The following ATAD2B variants were observed in gnomAD, a reference collection of about 807,000 sequenced individuals.
The protein encoded by ATAD2B is ATPase family AAA domain-containing protein 2B.
Under a neutral mutation model 167.6 loss-of-function variants are expected in ATAD2B, and 40 were observed. The ratio of observed to expected loss-of-function variants is 0.24; its 90% CI spans 0.19 to 0.31. The LOEUF (loss-of-function observed/expected upper bound fraction) is 0.31, where lower values mean the gene tolerates loss of function less well. ATAD2B is among the 10% of genes least tolerant of loss of function. The pLI is 1.00. For synonymous variants in ATAD2B, 579 were observed against 596.5 expected (o/e 0.97, Z 0.43); for missense variants, 1,242 against 1,757.2 (o/e 0.71, Z 5.24).
the ATAD2B span, among the ~76,000 whole-genome samples, chr2:23,692,882 G>A: frequency 6.6e-6 from 1 of 152,192 alleles, no homozygotes; most frequent in South Asian, 2.1e-4. Context: ...CCACAGACAT[G>A]CCTGGCACAA....
chr2:23,888,413 A>G lies in ATAD2B; in HGVS notation c.369-14T>C, dbSNP rs971192136. ...TGAGAAGTTAACCTAGAACACAATA[A>G]TATTTAATATGCAAACACATCAACA... is the stretch of plus-strand genomic sequence containing the variant. On this transcript the variant is annotated splice_polypyrimidine_tract_variant and intron_variant, in intron 2 of 27. Transcript: ENST00000238789. 3.9e-6 allele frequency: 6 copies of G among 1,524,750 alleles called. No homozygotes were observed. The highest frequency in any genetic ancestry group is 5.3e-6 in the Non-Finnish European group (6 of 1,126,646). The allele number at this position is 1,524,750 out of a possible 1,614,324, so 94.5% of individuals were successfully genotyped here.
At chr2:23,711,137 A>C in the ATAD2B span, among the ~76,000 whole-genome samples, 1 of 152,164 alleles carries the variant, frequency 6.6e-6, no homozygotes, top group Non-Finnish European at 1.5e-5. Context: ...ATATACATCT[A>C]AAGATAGGTA....
At chr2:23,831,175 T>C (rs1164324487) in intron 14 of ATAD2B, among the ~76,000 whole-genome samples, 1 of 152,176 alleles carries the variant, frequency 6.6e-6, no homozygotes, top group Non-Finnish European at 1.5e-5. Context: ...CTTCCTCTAC[T>C]ATTAAACATC....
At chr2:23,915,846 C>T (rs1432513457) in intron 1 of ATAD2B, among the ~76,000 whole-genome samples, 1 of 152,080 alleles carries the variant, frequency 6.6e-6, no homozygotes, top group African/African-American at 2.4e-5. Context: ...CTGCCTCAGC[C>T]TCCCAAAGTG....
intron 22 of ATAD2B, among the ~76,000 whole-genome samples, chr2:23,770,175 G>A (rs1374661635): frequency 6.6e-6 from 1 of 151,726 alleles, no homozygotes; most frequent in African/African-American, 2.4e-5. Context: ...AAATAGCTGG[G>A]CATGGTGGTG....
chr2:23,729,917 T>C, the ATAD2B span, among the ~76,000 whole-genome samples: 3 of 152,054 alleles, frequency 2.0e-5, no homozygotes, highest in Admixed American at 1.3e-4. Flanking sequence ...CTGATAGAAC[T>C]GAAAACAGAA....
intron 2 of ATAD2B, among the ~76,000 whole-genome samples, chr2:23,895,250 G>C (rs1007782078): frequency 1.3e-5 from 2 of 152,058 alleles, no homozygotes. Context: ...TTCTATGTGT[G>C]TGCCTAACCA....
chr2:23,892,135 A>G (rs1289054448), intron 2 of ATAD2B, among the ~76,000 whole-genome samples: 3 of 152,146 alleles, frequency 2.0e-5, no homozygotes, highest in Non-Finnish European at 4.4e-5. Flanking sequence ...GAAACTTTCA[A>G]GCATGCTACA....
intron 2 of ATAD2B, among the ~76,000 whole-genome samples, chr2:23,894,965 C>A (rs1699995889): frequency 6.6e-6 from 1 of 152,046 alleles, no homozygotes; most frequent in Non-Finnish European, 1.5e-5. Flanking sequence ...GTCTATATAA[C>A]CCCAAATATT....
At chr2:23,841,845 A>G (rs1390776885) in intron 13 of ATAD2B, among the ~76,000 whole-genome samples, 1 of 152,238 alleles carries the variant, frequency 6.6e-6, no homozygotes, top group Admixed American at 6.5e-5. Context: ...AGGCTGAATA[A>G]TATTTCATTG....
At chr2:23,921,930 T>C (rs1362342710) in intron 1 of ATAD2B, among the ~76,000 whole-genome samples, 1 of 152,196 alleles carries the variant, frequency 6.6e-6, no homozygotes, top group Non-Finnish European at 1.5e-5. Flanking sequence ...CTTTTACCTC[T>C]TTAACCCTCA....
chr2:23,703,210 G>C, the ATAD2B span: 1 of 1,464,728 alleles, frequency 6.8e-7, no homozygotes, highest in Non-Finnish European at 9.1e-7. Flanking sequence ...CCAACCAATG[G>C]GAGGCGGTGG....
intron 1 of ATAD2B, among the ~76,000 whole-genome samples, chr2:23,914,467 A>C (rs907681652): frequency 6.6e-6 from 1 of 152,188 alleles, no homozygotes; most frequent in Non-Finnish European, 1.5e-5. Context: ...GTATGGACAT[A>C]AAGAGTTACC....
chr2:23,875,326 T>C (rs1354176697), intron 8 of ATAD2B, among the ~76,000 whole-genome samples: 4 of 151,610 alleles, frequency 2.6e-5, no homozygotes, highest in Non-Finnish European at 5.9e-5. Flanking sequence ...ATGGTGAAAT[T>C]CTATCTCTAC....
chr2:23,895,608 A>T (rs1349966518), intron 2 of ATAD2B, among the ~76,000 whole-genome samples: 2 of 152,214 alleles, frequency 1.3e-5, no homozygotes, highest in East Asian at 3.8e-4. Context: ...TGTTTTACTT[A>T]TGGTAATTTC....
chr2:23,810,894 C>T (rs1239240411), intron 17 of ATAD2B, among the ~76,000 whole-genome samples: 1 of 151,976 alleles, frequency 6.6e-6, no homozygotes, highest in East Asian at 1.9e-4. Context: ...ATCTGTAATC[C>T]CAGCTACTCA....
At chr2:23,718,139 AT>A in the ATAD2B span, among the ~76,000 whole-genome samples, 18 of 151,820 alleles carry the variant, frequency 1.2e-4, no homozygotes, top group Non-Finnish European at 1.5e-4. Context: ...CTCCGAGAAA[AT>A]TTTTTTTTAG....
chr2:23,694,872 G>A, the ATAD2B span, among the ~76,000 whole-genome samples: 1 of 151,970 alleles, frequency 6.6e-6, no homozygotes, highest in East Asian at 1.9e-4. Context: ...CTTGCCCCTC[G>A]TGAATTTTTC....
At chr2:23,698,908 G>A in the ATAD2B span, among the ~76,000 whole-genome samples, 1 of 152,306 alleles carries the variant, frequency 6.6e-6, no homozygotes, top group South Asian at 2.1e-4. Flanking sequence ...AAAGACTGAG[G>A]ACTAACAGCC....
Sources: gnomAD v4.1 joint callset for allele counts (sites outside exome capture counted in the v4.1 genomes callset) on GRCh38, gnomAD v4.1.1 for gene constraint, MANE v1.5 for transcripts, NCBI Gene and HGNC (gene_info 2026-07-23, HGNC 2026-07-21) for gene names.